Variants in GHITM observed in about 807,000 individuals in gnomAD.
GHITM encodes the protein growth hormone-inducible transmembrane protein.
GHITM carries 24 observed loss-of-function variants against 38.7 expected under a neutral mutation model. The ratio of observed to expected loss-of-function variants is 0.62; its 90% CI spans 0.45 to 0.87. GHITM has a LOEUF of 0.87. GHITM is among the 40% of genes least tolerant of loss of function. The pLI is 0.00. For synonymous variants in GHITM, 154 were observed against 147.8 expected, an observed-to-expected ratio of 1.04 and a Z score of -0.30; for missense variants, 420 against 429.8, an observed-to-expected ratio of 0.98 and a Z score of 0.20.
rs1465980351 is a variant in GHITM, at chr10:84,150,811, C to A, written c.884C>A (p.Thr295Asn). The change falls in exon 8 of 9, where the codon ACC becomes AAC. Residue 295 changes from threonine (T) to asparagine (N), a missense_variant. Transcript: ENST00000372134. Reference protein sequence around the residue: ...VLFSMFLLYDTQKVIKRAEVS... With the variant: ...VLFSMFLLYDNQKVIKRAEVS... ...TTCAGCATGTTCCTTCTGTATGATA[C>A]CCAGAAAGTAATCAAGCGTGCAGAA... 6.2e-7 allele frequency: 1 copy of A among 1,609,622 alleles called. No individual in the cohort carries two copies.
At position 84,146,093 on chromosome 10, in the gene GHITM, G is replaced by A. The variant is rs576518168; in HGVS notation, c.483+1077G>A. Among the ~76,000 whole-genome samples, 10 of 152,112 alleles carry A rather than the reference G, an allele frequency of 6.6e-5. No individual in the cohort carries two copies. The East Asian group carries it at 9.6e-4, about 15-fold the overall frequency. Reference sequence around the variant, plus strand: ...AAAATTTTTTTAAGTAGACAAGGGCGGTCCAATTTTACCAAACAGTTTAAG... The same window carrying A: ...AAAATTTTTTTAAGTAGACAAGGGCAGTCCAATTTTACCAAACAGTTTAAG... On this transcript the variant is annotated intron_variant, in intron 5 of 8. Transcript: ENST00000372134.
At chr10:84,143,042 G>A (rs1452931316) in intron 3 of GHITM, among the ~76,000 whole-genome samples, 2 of 152,140 alleles carry the variant, frequency 1.3e-5, no homozygotes, top group Non-Finnish European at 2.9e-5. Flanking sequence ...TTTTAAGTGT[G>A]TAGAATCCTC....
chr10:84,149,397 A>AAGAT (rs1841588591), intron 6 of GHITM, among the ~76,000 whole-genome samples: 2 of 152,226 alleles, frequency 1.3e-5, no homozygotes, highest in South Asian at 4.1e-4. Context: ...ATTCAGTATA[A>AAGAT]AGATAGCTTT....
chr10:84,151,882 A>C (rs943845706), intron 8 of GHITM, among the ~76,000 whole-genome samples: 16 of 152,270 alleles, frequency 1.1e-4, no homozygotes, highest in Middle Eastern at 3.4e-3. Context: ...TTTTCTTTAG[A>C]GGGGTGAAGT....
At chr10:84,145,983 C>G (rs1479386568) in intron 5 of GHITM, among the ~76,000 whole-genome samples, 1 of 152,076 alleles carries the variant, frequency 6.6e-6, no homozygotes, top group Non-Finnish European at 1.5e-5. Flanking sequence ...ATTGCTTGAG[C>G]CCAGGAATTT....
chr10:84,151,146 G>C (rs1440720783), intron 8 of GHITM, among the ~76,000 whole-genome samples: 1 of 152,182 alleles, frequency 6.6e-6, no homozygotes, highest in East Asian at 1.9e-4. Flanking sequence ...ACTGCTGGCA[G>C]TCCTTGACAT....
chr10:84,144,870 T>TA lies in GHITM; in HGVS notation c.342-4dup. 1 of 1,562,080 alleles carries TA rather than the reference T, an allele frequency of 6.4e-7. No homozygotes were observed. Among genetic ancestry groups the TA allele is most frequent in the Non-Finnish European group, 8.7e-7 (1 of 1,146,254 alleles). On this transcript the variant is annotated splice_region_variant and splice_polypyrimidine_tract_variant and intron_variant, in intron 4 of 8. Transcript: ENST00000372134. ...CATAGATTAATCATGTCATGTTTCT[T>TA]ACAGAATTTGGCCTCAGTATGTCAA...
At position 84,140,943 on chromosome 10, in the gene GHITM, T is replaced by A. The variant is rs77596561; in HGVS notation, c.-39-519T>A. Reference sequence around the variant, plus strand: ...GAAGGAAAGTAATATTTGGTATGATTAGCTGAAATTCATATAGTTGGCTTC... The same window carrying A: ...GAAGGAAAGTAATATTTGGTATGATAAGCTGAAATTCATATAGTTGGCTTC... On this transcript the variant is annotated intron_variant, in intron 1 of 8. Transcript: ENST00000372134. Among the ~76,000 whole-genome samples, 732 of 152,344 alleles carry A rather than the reference T, an allele frequency of 4.8e-3. 6 individuals are homozygous for A. The highest frequency in any genetic ancestry group is 0.017 in the African/African-American group (714 of 41,576).
chr10:84,152,395 AT>A lies in GHITM; in HGVS notation c.*48del, dbSNP rs1564644076. 9.7e-7 allele frequency: 1 copy of A among 1,030,596 alleles called. No individual in the cohort carries two copies. The highest frequency in any genetic ancestry group is 1.3e-5 in the South Asian group (1 of 76,822). 63.8% of individuals were successfully genotyped at this position (1,030,596 alleles called of 1,614,324 possible). A position where few individuals can be genotyped will look rare whatever the true frequency, so the allele number is the denominator to read the frequency against. ...TCTGCTACATCAAATATCTTGTTTA[AT>A]GGGGCAGATATGCATTAAATAGTTT... On this transcript the variant is annotated 3_prime_UTR_variant, in exon 9 of 9. Coordinates refer to ENST00000372134, the MANE Select transcript of GHITM (RefSeq NM_014394.3).
chr10:84,141,608 A>G lies in GHITM; in HGVS notation c.108A>G (p.Gln36=), dbSNP rs766164745. ...TGAAGAATTCCATCACGAAGAATCA[A>G]TGGCTGTTAACACCTAGCAGGGTAA... ...PVVKNSITKN[Q]WLLTPSREYA... is the part of the protein sequence containing the mutation. The change falls in exon 2 of 9, where the codon CAA becomes CAG. Residue 36 remains glutamine (Q), a synonymous_variant. Transcript: ENST00000372134. The G allele has an allele frequency of 7.4e-6, 12 of 1,613,748 alleles. No homozygotes were observed. The Admixed American group carries it at 1.8e-4, about 25-fold the overall frequency.
At chr10:84,139,936 C>T (rs532876783) in intron 1 of GHITM, 2 of 152,476 alleles carry the variant, frequency 1.3e-5, no homozygotes, top group South Asian at 4.2e-4. Flanking sequence ...AGTTTGCTGC[C>T]GGGTTCTCAT....
rs1589274115 is a variant in GHITM, at chr10:84,141,458, C to T, written c.-39-4C>T. 1.3e-6 allele frequency: 2 copies of T among 1,586,810 alleles called. No homozygotes were observed. Among genetic ancestry groups the T allele is most frequent in the Middle Eastern group, 1.7e-4 (1 of 5,904 alleles). ...TGGTTGGTTTTGCCTTTTTTTTAAACTAGCATTTCAGATCTGCTCGGTAGA... is the reference window on the plus strand; with the variant it reads ...TGGTTGGTTTTGCCTTTTTTTTAAATTAGCATTTCAGATCTGCTCGGTAGA... On this transcript the variant is annotated splice_polypyrimidine_tract_variant and splice_region_variant and intron_variant, in intron 1 of 8. Coordinates refer to ENST00000372134, the MANE Select transcript of GHITM (RefSeq NM_014394.3).
At chr10:84,152,223 A>T in intron 8 of GHITM, 41 bp from the exon 9 acceptor site, 1 of 876,494 alleles carries the variant, frequency 1.1e-6, no homozygotes, top group Non-Finnish European at 1.9e-6. Flanking sequence ...CATCACTATT[A>T]GAATTGCATC....
rs1841507495 is a variant in GHITM, at chr10:84,141,614, G to A, written c.114G>A (p.Leu38=). 1 of 1,613,638 alleles carries A rather than the reference G, an allele frequency of 6.2e-7. No homozygotes were observed. The highest frequency in any genetic ancestry group is 1.3e-5 in the African/African-American group (1 of 74,918). ...VKNSITKNQW[L]LTPSREYATK... The stretch of plus-strand genomic sequence containing the variant: ...ATTCCATCACGAAGAATCAATGGCT[G>A]TTAACACCTAGCAGGGTAAAGATAA... The change falls in exon 2 of 9, where the codon CTG becomes CTA. Residue 38 remains leucine, a synonymous_variant. Coordinates refer to ENST00000372134, the MANE Select transcript of GHITM (RefSeq NM_014394.3).
At position 84,141,486 on chromosome 10, in the gene GHITM, T is replaced by A; in HGVS notation, c.-15T>A. 1 of 1,613,430 alleles carries A rather than the reference T, an allele frequency of 6.2e-7. No individual in the cohort carries two copies. On this transcript the variant is annotated 5_prime_UTR_variant, in exon 2 of 9. Coordinates refer to ENST00000372134, the MANE Select transcript of GHITM (RefSeq NM_014394.3). ...GCATTTCAGATCTGCTCGGTAGACC[T>A]GGTGCACCACCACCATGTTGGCTGC...
intron 4 of GHITM, 50 bp from the exon 5 acceptor site, chr10:84,144,825 A>G (rs1242542460): frequency 7.1e-7 from 1 of 1,413,128 alleles, no homozygotes; most frequent in Non-Finnish European, 9.7e-7. Flanking sequence ...TGACTCAACC[A>G]GAAATCAAAT....
At chr10:84,149,995 G>A in intron 6 of GHITM, 60 bp from the exon 7 acceptor site, 1 of 1,277,586 alleles carries the variant, frequency 7.8e-7, no homozygotes, top group Non-Finnish European at 1.1e-6. Flanking sequence ...TGTTAGAAGT[G>A]ATATTTTCCT....
At chr10:84,145,476 A>G (rs1447242077) in intron 5 of GHITM, among the ~76,000 whole-genome samples, 1 of 152,258 alleles carries the variant, frequency 6.6e-6, no homozygotes, top group African/African-American at 2.4e-5. Context: ...TTAGAAATCA[A>G]ACTTACAGAG....
intron 5 of GHITM, among the ~76,000 whole-genome samples, chr10:84,147,806 G>C (rs1410074652): frequency 6.6e-6 from 1 of 152,080 alleles, no homozygotes; most frequent in African/African-American, 2.4e-5. Context: ...GGAAATCTAA[G>C]ATAGGCAAAG....
Sources: gnomAD v4.1 joint callset for allele counts (sites outside exome capture counted in the v4.1 genomes callset) on GRCh38, gnomAD v4.1.1 for gene constraint, MANE v1.5 for transcripts, NCBI Gene and HGNC (gene_info 2026-07-23, HGNC 2026-07-21) for gene names.